TSHZ2: variants seen among roughly 807,000 people sequenced by gnomAD.
TSHZ2 encodes the protein teashirt homolog 2.
A neutral mutation model predicts 74.4 loss-of-function variants in TSHZ2; 21 were observed. The observed-to-expected ratio is 0.28, with a 90% CI of 0.20 to 0.41. The LOEUF (loss-of-function observed/expected upper bound fraction) is 0.41, where lower values mean the gene tolerates loss of function less well. Among genes scored for constraint, TSHZ2 ranks in the 10% least tolerant of loss-of-function variants. TSHZ2 has a pLI of 1.00. For missense variants in TSHZ2, 1,244 were observed against 1,293.5 expected (o/e 0.96, Z 0.59); for synonymous variants, 540 against 515.3 (o/e 1.05, Z -0.65).
chr20:53,132,062 C>T (rs1386276689), intron 1 of TSHZ2, among the ~76,000 whole-genome samples: 2 of 152,120 alleles, frequency 1.3e-5, no homozygotes, highest in Admixed American at 1.3e-4. Flanking sequence ...AGGAACCTCA[C>T]ATGCGCCTCA....
chr20:53,244,217 A>T (rs1990145860), intron 1 of TSHZ2, among the ~76,000 whole-genome samples: 1 of 152,170 alleles, frequency 6.6e-6, no homozygotes, highest in South Asian at 2.1e-4. Context: ...TTGGGAAAAA[A>T]AAAACCTCTC....
At chr20:53,417,076 G>A (rs1392149456) in intron 2 of TSHZ2, among the ~76,000 whole-genome samples, 3 of 152,118 alleles carry the variant, frequency 2.0e-5, no homozygotes, top group Non-Finnish European at 4.4e-5. Flanking sequence ...GTGCTGGCCT[G>A]CACCCTCCCT....
At chr20:53,284,212 C>T (rs1017617808) in intron 2 of TSHZ2, among the ~76,000 whole-genome samples, 8 of 152,266 alleles carry the variant, frequency 5.3e-5, no homozygotes, top group South Asian at 2.1e-4. Context: ...AATGCTGGAC[C>T]GCCACCTCCA....
At chr20:53,158,588 G>T (rs539675945) in intron 1 of TSHZ2, among the ~76,000 whole-genome samples, 2 of 152,332 alleles carry the variant, frequency 1.3e-5, no homozygotes, top group East Asian at 1.9e-4. Flanking sequence ...TCCTTTAAAT[G>T]AGATGATCTC....
At chr20:53,135,037 A>ACACAC (rs1424570713) in intron 1 of TSHZ2, among the ~76,000 whole-genome samples, 2 of 92,010 alleles carry the variant, frequency 2.2e-5, no homozygotes, top group Non-Finnish European at 2.4e-5. Context: ...CACACACACA[A>ACACAC]GGGTTGTGGC....
chr20:53,397,158 C>A (rs1982480629), intron 2 of TSHZ2, among the ~76,000 whole-genome samples: 1 of 152,088 alleles, frequency 6.6e-6, no homozygotes, highest in Non-Finnish European at 1.5e-5. Flanking sequence ...TTCTGCACAG[C>A]AAAAGAAACT....
rs375963427 is a variant in TSHZ2 at position 53,320,406 on chromosome 20, T to C, written c.*8+63835T>C. 6.6e-5 allele frequency among the ~76,000 whole-genome samples: 10 copies of C among 152,366 alleles called. No individual in the cohort carries two copies. In the East Asian group the frequency reaches 1.2e-3, roughly 18 times the overall value. On this transcript the variant is annotated intron_variant, in intron 2 of 2. Coordinates refer to ENST00000371497, the MANE Select transcript of TSHZ2 (RefSeq NM_173485.6). ...CAGGATTTTTGCCTCTGGGCAATAT[T>C]TTCCTGCCACTATTTGCATCAGTTC...
At chr20:53,218,559 G>A (rs990164573) in intron 1 of TSHZ2, among the ~76,000 whole-genome samples, 15 of 152,152 alleles carry the variant, frequency 9.9e-5, no homozygotes, top group Non-Finnish European at 2.9e-5. Context: ...CGCAGATGAC[G>A]AGATTAGCTG....
intron 1 of TSHZ2, among the ~76,000 whole-genome samples, chr20:53,129,296 A>C (rs1215894429): frequency 6.6e-6 from 1 of 152,154 alleles, no homozygotes; most frequent in Non-Finnish European, 1.5e-5. Context: ...TTGTGGGTAC[A>C]TGGTAGATAT....
chr20:53,146,465 T>A (rs1987543120), intron 1 of TSHZ2, among the ~76,000 whole-genome samples: 1 of 152,182 alleles, frequency 6.6e-6, no homozygotes, highest in Non-Finnish European at 1.5e-5. Flanking sequence ...TATCAAGAGA[T>A]GAAGGAGGCC....
intron 2 of TSHZ2, among the ~76,000 whole-genome samples, chr20:53,294,899 C>T (rs1392859346): frequency 6.6e-6 from 1 of 152,196 alleles, no homozygotes; most frequent in Non-Finnish European, 1.5e-5. Context: ...CTGCTTCCAA[C>T]AACACTACTG....
intron 1 of TSHZ2, among the ~76,000 whole-genome samples, chr20:53,182,443 G>C (rs917668258): frequency 6.6e-5 from 10 of 152,190 alleles, no homozygotes; most frequent in African/African-American, 2.4e-4. Flanking sequence ...CCAGTCATGA[G>C]CCACCTCTGC....
chr20:53,431,113 T>C (rs1983833601), intron 2 of TSHZ2, among the ~76,000 whole-genome samples: 1 of 152,054 alleles, frequency 6.6e-6, no homozygotes, highest in Non-Finnish European at 1.5e-5. Context: ...GATGGACTTG[T>C]CCAAAATCAT....
intron 1 of TSHZ2, among the ~76,000 whole-genome samples, chr20:53,147,150 A>AT (rs1347187715): frequency 6.6e-6 from 1 of 152,116 alleles, no homozygotes; most frequent in South Asian, 2.1e-4. Flanking sequence ...CTTATTACAT[A>AT]TTTTTTGTTT....
At chr20:53,473,351 T>TGACCCCC (rs1985888336) in intron 2 of TSHZ2, among the ~76,000 whole-genome samples, 1 of 143,014 alleles carries the variant, frequency 7.0e-6, no homozygotes. Flanking sequence ...CCCTGACCCC[T>TGACCCCC]GACCCCCGAG....
intron 2 of TSHZ2, among the ~76,000 whole-genome samples, chr20:53,297,475 T>C (rs1479809329): frequency 6.6e-6 from 1 of 152,146 alleles, no homozygotes; most frequent in South Asian, 2.1e-4. Context: ...GCTCAAGCTA[T>C]CCTCCTGCCT....
At chr20:53,172,327 C>T (rs1317881481) in intron 1 of TSHZ2, among the ~76,000 whole-genome samples, 1 of 152,170 alleles carries the variant, frequency 6.6e-6, no homozygotes, top group Non-Finnish European at 1.5e-5. Context: ...GTTTCCTCTT[C>T]AATTGGCCAA....
At chr20:53,391,444 C>T (rs529789431) in intron 2 of TSHZ2, among the ~76,000 whole-genome samples, 4 of 113,820 alleles carry the variant, frequency 3.5e-5, no homozygotes, top group South Asian at 2.8e-4. Context: ...AGCACCAGGC[C>T]GTTTTTTTTG....
intron 2 of TSHZ2, among the ~76,000 whole-genome samples, chr20:53,472,811 G>C (rs1030626402): frequency 1.3e-5 from 2 of 151,832 alleles, no homozygotes; most frequent in East Asian, 3.9e-4. Flanking sequence ...CACCGTGCGC[G>C]AGCCGAAGCA....
Sources: gnomAD v4.1 joint callset for allele counts (sites outside exome capture counted in the v4.1 genomes callset) on GRCh38, gnomAD v4.1.1 for gene constraint, MANE v1.5 for transcripts, NCBI Gene and HGNC (gene_info 2026-07-23, HGNC 2026-07-21) for gene names.